Variants in MCHR2 observed in about 807,000 individuals in gnomAD.
MCHR2 encodes the protein melanin concentrating hormone receptor 2.
In MCHR2, 15 loss-of-function variants were observed where a neutral mutation model predicts 24.8. The ratio of observed to expected loss-of-function variants is 0.60; its 90% CI spans 0.40 to 0.93. The LOEUF (loss-of-function observed/expected upper bound fraction) is 0.93. Among genes scored for constraint, MCHR2 ranks in the 40% least tolerant of loss-of-function variants. The pLI is 0.00. For synonymous variants in MCHR2, 151 were observed against 147.6 expected, an observed-to-expected ratio of 1.02 and a Z score of -0.17; for missense variants, 386 against 408.7, an observed-to-expected ratio of 0.94 and a Z score of 0.48.
chr6:99,978,203 T>C (rs538415075), intron 1 of MCHR2, among the ~76,000 whole-genome samples: 11 of 152,308 alleles, frequency 7.2e-5, no homozygotes, highest in African/African-American at 2.4e-4. Context: ...CTTACTTACC[T>C]GACATTTAAT....
intron 1 of MCHR2, among the ~76,000 whole-genome samples, chr6:99,966,930 C>T (rs1306656949): frequency 6.6e-6 from 1 of 151,400 alleles, no homozygotes; most frequent in Non-Finnish European, 1.5e-5. Flanking sequence ...ATAAAAACTC[C>T]TTTGCAAAAG....
intron 5 of MCHR2, among the ~76,000 whole-genome samples, chr6:99,922,129 C>T (rs1774248692): frequency 7.4e-6 from 1 of 134,438 alleles, no homozygotes; most frequent in Non-Finnish European, 1.6e-5. Flanking sequence ...TTTTTTGAGA[C>T]GGAGTCTCGC....
At chr6:99,933,492 A>G (rs887418282) in intron 5 of MCHR2, among the ~76,000 whole-genome samples, 3 of 152,076 alleles carry the variant, frequency 2.0e-5, no homozygotes, top group Admixed American at 1.3e-4. Context: ...TCCCAAATGG[A>G]CCACACTTTA....
At chr6:99,928,602 T>A (rs1284067946) in intron 5 of MCHR2, among the ~76,000 whole-genome samples, 7 of 152,256 alleles carry the variant, frequency 4.6e-5, no homozygotes, top group Non-Finnish European at 7.3e-5. Context: ...CCATTTCTTC[T>A]AGATTTTTTA....
chr6:99,971,831 G>T (rs1775429174), intron 1 of MCHR2, among the ~76,000 whole-genome samples: 1 of 152,114 alleles, frequency 6.6e-6, no homozygotes, highest in African/African-American at 2.4e-5. Context: ...TGTGGTTTTT[G>T]TCTTTGGTTC....
rs1775057573 is a variant in MCHR2, at chr6:99,956,188, G to C, written c.-27-14C>G. 2 of 1,513,514 alleles carry C rather than the reference G, an allele frequency of 1.3e-6. No individual in the cohort carries two copies. Among genetic ancestry groups the C allele is most frequent in the South Asian group, 2.5e-5 (2 of 79,562 alleles). 93.8% of individuals were successfully genotyped at this position (1,513,514 alleles called of 1,614,324 possible). On this transcript the variant is annotated splice_polypyrimidine_tract_variant and intron_variant, in intron 1 of 5. Coordinates refer to ENST00000281806, the MANE Select transcript of MCHR2 (RefSeq NM_001040179.2). ...CAGGGATTAAAGCTGTGAAGTAATA[G>C]GAAGTGATTTATTTAGTGAACATTC...
chr6:99,958,010 A>C (rs1775099686), intron 1 of MCHR2, among the ~76,000 whole-genome samples: 1 of 152,100 alleles, frequency 6.6e-6, no homozygotes, highest in African/African-American at 2.4e-5. Context: ...TTAAACATAA[A>C]AGGCTAAGAA....
chr6:99,990,792 C>G (rs1418652466), intron 1 of MCHR2, among the ~76,000 whole-genome samples: 2 of 151,574 alleles, frequency 1.3e-5, no homozygotes, highest in Non-Finnish European at 2.9e-5. Context: ...TCTTCCTGCC[C>G]TTCACCAAGA....
intron 2 of MCHR2, among the ~76,000 whole-genome samples, chr6:99,953,037 A>G (rs1438423977): frequency 6.6e-6 from 1 of 152,162 alleles, no homozygotes; most frequent in African/African-American, 2.4e-5. Flanking sequence ...TTTATGTTGA[A>G]AATCTGTTTC....
intron 1 of MCHR2, among the ~76,000 whole-genome samples, chr6:99,969,087 T>C (rs1202946877): frequency 1.3e-5 from 2 of 152,318 alleles, no homozygotes; most frequent in East Asian, 3.9e-4. Context: ...TATATCTCTT[T>C]ACTGTCTCCT....
intron 2 of MCHR2, among the ~76,000 whole-genome samples, chr6:99,954,552 C>A (rs1330782940): frequency 6.6e-6 from 1 of 152,162 alleles, no homozygotes; most frequent in East Asian, 1.9e-4. Context: ...TCCCAGCCCC[C>A]TTCAGCTGCT....
intron 1 of MCHR2, among the ~76,000 whole-genome samples, chr6:99,974,329 C>T (rs1315416080): frequency 2.0e-5 from 3 of 152,198 alleles, no homozygotes; most frequent in Non-Finnish European, 1.5e-5. Flanking sequence ...AACACTGATA[C>T]ACTTTCTTCC....
At chr6:99,926,011 A>G (rs1774348168) in intron 5 of MCHR2, among the ~76,000 whole-genome samples, 1 of 151,230 alleles carries the variant, frequency 6.6e-6, no homozygotes, top group Non-Finnish European at 1.5e-5. Context: ...CAGTCCCCAG[A>G]GTGTGATGTT....
At chr6:99,973,380 T>G (rs6935103) in intron 1 of MCHR2, among the ~76,000 whole-genome samples, 2,878 of 152,194 alleles carry the variant, frequency 0.019, 52 homozygotes, top group African/African-American at 0.046. Context: ...AGACTAGGAT[T>G]GCAACCTCTG....
intron 5 of MCHR2, among the ~76,000 whole-genome samples, chr6:99,930,234 G>C (rs1211226580): frequency 6.6e-6 from 1 of 152,026 alleles, no homozygotes; most frequent in East Asian, 1.9e-4. Context: ...GCTTCCCTTT[G>C]TGGGTAACCC....
chr6:99,993,729 T>C (rs1775931842), intron 1 of MCHR2, among the ~76,000 whole-genome samples: 1 of 151,964 alleles, frequency 6.6e-6, no homozygotes, highest in South Asian at 2.1e-4. Flanking sequence ...CCCCGCTCCG[T>C]CTCGTAGGTG....
Position 99,919,015 on chromosome 6 carries a change from G to T in MCHR2, c.*1925C>A, listed in dbSNP as rs1031544178. Among the ~76,000 whole-genome samples, 1 of 152,154 alleles carries T rather than the reference G, an allele frequency of 6.6e-6. No individual in the cohort carries two copies. The highest frequency in any genetic ancestry group is 1.5e-5 in the Non-Finnish European group (1 of 68,034). ...TTGCTCTTCAATTATCACATAATAA[G>T]ATGTTTCTGACCCATTGTGCTGGGT... On this transcript the variant is annotated 3_prime_UTR_variant, in exon 6 of 6. Coordinates refer to ENST00000281806, the MANE Select transcript of MCHR2 (RefSeq NM_001040179.2).
At chr6:99,957,751 T>TTTAG (rs139395108) in intron 1 of MCHR2, among the ~76,000 whole-genome samples, 1 of 151,444 alleles carries the variant, frequency 6.6e-6, no homozygotes, top group Non-Finnish European at 1.5e-5. Context: ...AGAGTTAACA[T>TTTAG]TTGTTAAAAA....
rs1287175251 is a variant in MCHR2, at chr6:99,920,815, C to T, written c.*125G>A. ...TATTTGCATGGTTACACTTCTCTTC[C>T]ATGCTGCTAAGAGTCACAAGTACAC... On this transcript the variant is annotated 3_prime_UTR_variant, in exon 6 of 6. Transcript: ENST00000281806. The T allele has an allele frequency of 1.1e-6, 1 of 913,692 alleles. No individual in the cohort carries two copies. Among genetic ancestry groups the T allele is most frequent in the African/African-American group, 1.7e-5 (1 of 60,176 alleles). The allele number at this position is 913,692 out of a possible 1,614,324, so 56.6% of individuals were successfully genotyped here.
Sources: gnomAD v4.1 joint callset for allele counts (sites outside exome capture counted in the v4.1 genomes callset) on GRCh38, gnomAD v4.1.1 for gene constraint, MANE v1.5 for transcripts, NCBI Gene and HGNC (gene_info 2026-07-23, HGNC 2026-07-21) for gene names.